Variants in FRK observed in about 807,000 individuals in gnomAD.
FRK encodes the protein tyrosine-protein kinase FRK.
Under a neutral mutation model 56.4 loss-of-function variants are expected in FRK, and 51 were observed. The ratio of observed to expected loss-of-function variants is 0.90; its 90% CI spans 0.72 to 1.14. The LOEUF is 1.14. Ranked by LOEUF, FRK falls within the 50% of genes most tolerant of loss-of-function variation. FRK has a pLI of 0.00. For missense variants in FRK, 570 were observed against 601.4 expected, an observed-to-expected ratio of 0.95 and a Z score of 0.55; for synonymous variants, 245 against 217.9, an observed-to-expected ratio of 1.12 and a Z score of -1.10.
At chr6:116,083,667 T>A in the FRK span, among the ~76,000 whole-genome samples, 1 of 152,158 alleles carries the variant, frequency 6.6e-6, no homozygotes, top group African/African-American at 2.4e-5. Flanking sequence ...ACCCAAAAAT[T>A]TGTTTCTAAC....
At chr6:116,042,092 G>A (rs956823814) in intron 1 of FRK, among the ~76,000 whole-genome samples, 1 of 152,226 alleles carries the variant, frequency 6.6e-6, no homozygotes. Flanking sequence ...TGAGGCTTGA[G>A]TAGGCGGTTT....
chr6:116,068,086 G>A, the FRK span, among the ~76,000 whole-genome samples: 2 of 152,020 alleles, frequency 1.3e-5, no homozygotes, highest in African/African-American at 4.8e-5. Flanking sequence ...GTCATCTCTT[G>A]TAGGACCAAA....
chr6:116,092,083 T>C, the FRK span, among the ~76,000 whole-genome samples: 1 of 152,308 alleles, frequency 6.6e-6, no homozygotes, highest in East Asian at 1.9e-4. Flanking sequence ...GCTTTTCTAG[T>C]TTCTCCTATA....
At chr6:116,002,629 A>G in intron 2 of FRK, 12 of 443,044 alleles carry the variant, frequency 2.7e-5, no homozygotes, top group South Asian at 1.9e-4. Flanking sequence ...ATGGTAATTG[A>G]CACATCACAC....
At chr6:116,071,627 T>C in the FRK span, among the ~76,000 whole-genome samples, 1 of 152,194 alleles carries the variant, frequency 6.6e-6, no homozygotes, top group Non-Finnish European at 1.5e-5. Context: ...ATGTCATTAA[T>C]AGACCAATTA....
At chr6:116,089,057 G>C in the FRK span, among the ~76,000 whole-genome samples, 5 of 152,176 alleles carry the variant, frequency 3.3e-5, no homozygotes, top group Non-Finnish European at 7.3e-5. Flanking sequence ...GGACAGACAT[G>C]AGTGTAAGAA....
In FRK at chr6:115,942,572, G is replaced by A. The variant is rs1772230530; in HGVS notation, c.1360C>T (p.Gln454Ter). ...AATTGCTGTGGACAGTTGGATGGTT[G>A]CGGAAGTCTATAGTTTTGAGCCAAC... Reference protein sequence around the residue: ...QMLAQNYRLPQPSNCPQQFYN... With the variant: ...QMLAQNYRLP Residue 454 changes from glutamine (Q) to a stop codon, truncating the protein, a stop_gained, in exon 8 of 8, where the codon CAA becomes TAA. Coordinates refer to ENST00000606080, the MANE Select transcript of FRK (RefSeq NM_002031.3). LOFTEE classifies it high-confidence loss of function. The A allele has an allele frequency of 6.2e-7, 1 of 1,613,806 alleles. No homozygotes were observed.
intron 2 of FRK, among the ~76,000 whole-genome samples, chr6:115,997,534 C>T (rs1562277483): frequency 6.6e-6 from 1 of 152,096 alleles, no homozygotes; most frequent in Non-Finnish European, 1.5e-5. Flanking sequence ...CCCATCTCTC[C>T]GTAAATCATC....
chr6:115,972,779 C>T (rs891226954), intron 2 of FRK, among the ~76,000 whole-genome samples: 7 of 152,162 alleles, frequency 4.6e-5, no homozygotes, highest in African/African-American at 1.7e-4. Flanking sequence ...CATGATTTTA[C>T]ATTATTTTGT....
intron 4 of FRK, among the ~76,000 whole-genome samples, chr6:115,965,118 C>T (rs910348173): frequency 1.7e-5 from 2 of 117,230 alleles, no homozygotes; most frequent in African/African-American, 6.5e-5. Flanking sequence ...AGGCAACCTA[C>T]AACATGGGAG....
intron 1 of FRK, among the ~76,000 whole-genome samples, chr6:116,052,323 A>C (rs541895790): frequency 1.6e-4 from 25 of 152,308 alleles, no homozygotes; most frequent in African/African-American, 6.0e-4. Flanking sequence ...TATGCCTTTA[A>C]TGTAGAATTT....
At chr6:115,978,947 G>A (rs1774091326) in intron 2 of FRK, among the ~76,000 whole-genome samples, 3 of 151,954 alleles carry the variant, frequency 2.0e-5, no homozygotes, top group South Asian at 4.2e-4. Flanking sequence ...CAGCTACTCG[G>A]GAGGATGAAG....
At chr6:116,004,101 ATTCT>A in intron 1 of FRK, 103 bp from the exon 2 acceptor site, 1 of 1,034,572 alleles carries the variant, frequency 9.7e-7, no homozygotes, top group Non-Finnish European at 1.4e-6. Flanking sequence ...AATGTTTGGT[ATTCT>A]TTAGTAAAAC....
chr6:115,984,921 T>C (rs1184740457), intron 2 of FRK, among the ~76,000 whole-genome samples: 1 of 152,088 alleles, frequency 6.6e-6, no homozygotes, highest in African/African-American at 2.4e-5. Context: ...TCATGGAGCA[T>C]TTTTCTATCA....
chr6:116,065,138 T>C (rs556541193), upstream of FRK, among the ~76,000 whole-genome samples: 1 of 152,244 alleles, frequency 6.6e-6, no homozygotes, highest in South Asian at 2.1e-4. Flanking sequence ...ACTCCTAATA[T>C]ACACAATATT....
chr6:116,013,780 A>G (rs1283720033), intron 1 of FRK, among the ~76,000 whole-genome samples: 1 of 152,144 alleles, frequency 6.6e-6, no homozygotes, highest in Admixed American at 6.6e-5. Flanking sequence ...CCCAACTCAA[A>G]TACCAAATTT....
chr6:116,063,539 G>A (rs2114847108), upstream of FRK, among the ~76,000 whole-genome samples: 1 of 152,172 alleles, frequency 6.6e-6, no homozygotes, highest in African/African-American at 2.4e-5. Context: ...AGAGCAGAAT[G>A]GTGGTTACCG....
chr6:115,987,707 C>T (rs1774444950), intron 2 of FRK, among the ~76,000 whole-genome samples: 1 of 152,014 alleles, frequency 6.6e-6, no homozygotes. Flanking sequence ...TATCGCTTGC[C>T]ATTTAGTCCA....
At chr6:116,084,478 G>A in the FRK span, among the ~76,000 whole-genome samples, 1 of 152,174 alleles carries the variant, frequency 6.6e-6, no homozygotes, top group Non-Finnish European at 1.5e-5. Flanking sequence ...GCAGATCAGT[G>A]ATTACAGGCT....
Sources: allele counts gnomAD v4.1 joint callset (sites outside exome capture counted in the v4.1 genomes callset), GRCh38; gene constraint gnomAD v4.1.1; transcripts MANE v1.5; gene names NCBI Gene and HGNC (gene_info 2026-07-23, HGNC 2026-07-21).